CRLF1: variants seen among roughly 807,000 people sequenced by gnomAD.
CRLF1 encodes the protein cytokine receptor like factor 1, also known as cytokine receptor-like factor 1.
In CRLF1, 36 loss-of-function variants were observed where a neutral mutation model predicts 48.9. The ratio of observed to expected loss-of-function variants is 0.74; its 90% CI spans 0.56 to 0.97. The LOEUF (loss-of-function observed/expected upper bound fraction) is 0.97, where lower values mean the gene tolerates loss of function less well. Ranked by LOEUF, CRLF1 falls within the 50% of genes least tolerant of loss-of-function variation. The pLI, the probability that CRLF1 is intolerant of heterozygous loss-of-function variation, is 0.00. For missense variants in CRLF1, 534 were observed against 575.1 expected (o/e 0.93, Z 0.73); for synonymous variants, 256 against 253.4 (o/e 1.01, Z -0.10).
At chr19:18,598,993 C>G in intron 2 of CRLF1, 92 bp from the exon 3 acceptor site, 1 of 1,573,230 alleles carries the variant, frequency 6.4e-7, no homozygotes, top group Non-Finnish European at 8.6e-7. Context: ...CAGGCCCCCA[C>G]CTTGGAGTGG....
At chr19:18,594,030 G>GGGTGGGGGGC in intron 8 of CRLF1, 35 bp downstream of exon 8, 1 of 1,315,298 alleles carries the variant, frequency 7.6e-7, no homozygotes, top group Non-Finnish European at 1.1e-6. Flanking sequence ...CCCTCCCCTT[G>GGGTGGGGGGC]CTCCCTCCCG....
chr19:18,594,032 T>TGGGGGCCCCCCC, intron 8 of CRLF1, 33 bp downstream of exon 8: 2 of 695,812 alleles, frequency 2.9e-6, no homozygotes, highest in Non-Finnish European at 4.4e-6. Flanking sequence ...CTCCCCTTGC[T>TGGGGGCCCCCCC]CCCTCCCGCC....
chr19:18,593,502 C>A lies in CRLF1; in HGVS notation c.*64G>T. ...CCCTGAAGTGAGGGTACAGAGGTGG[C>A]CCCAGTTTGGGTTCGGCCTCTGCGT... On this transcript the variant is annotated 3_prime_UTR_variant, in exon 9 of 9. Transcript: ENST00000392386. The A allele has an allele frequency of 1.2e-6, 2 of 1,600,160 alleles. No individual in the cohort carries two copies. Among genetic ancestry groups the A allele is most frequent in the East Asian group, 2.3e-5 (1 of 44,360 alleles).
In CRLF1 at chr19:18,596,649, G is replaced by T. The variant is rs1305607928; in HGVS notation, c.997C>A (p.Pro333Thr). 6.2e-7 allele frequency: 1 copy of T among 1,613,838 alleles called. No individual in the cohort carries two copies. The change falls in exon 6 of 9, where the codon CCC becomes ACC. Residue 333 changes from proline (P) to threonine (T), a missense_variant. Transcript: ENST00000392386. Reference sequence around the variant, plus strand: ...CTGCGGGGAGTGGAGGCGGCTGTGGGGTGGCTCCACTCACTCCAGATCCCG... The same window carrying T: ...CTGCGGGGAGTGGAGGCGGCTGTGGTGTGGCTCCACTCACTCCAGATCCCG... Reference protein sequence around the residue: ...KAGIWSEWSHPTAASTPRSER... With the variant: ...KAGIWSEWSHTTAASTPRSER...
In CRLF1 at chr19:18,594,026, C is replaced by T. The variant is rs766151679; in HGVS notation, c.1255+39G>A. ...CTGCAGCCACCGGAAGGGGCCCTCC[C>T]CTTGCTCCCTCCCGCCCACCCATTC... On this transcript the variant is annotated intron_variant, in intron 8 of 8. Transcript: ENST00000392386. The T allele has an allele frequency of 3.3e-5, 47 of 1,409,046 alleles. No homozygotes were observed. In the African/African-American group the frequency reaches 4.9e-4, roughly 15 times the overall value. 87.3% of individuals were successfully genotyped at this position (1,409,046 alleles called of 1,614,324 possible).
intron 8 of CRLF1, 90 bp downstream of exon 8, chr19:18,593,974 TG>T (rs1976091388): frequency 6.6e-7 from 1 of 1,514,960 alleles, no homozygotes; most frequent in Admixed American, 2.0e-5. Flanking sequence ...AGGCTGGGGT[TG>T]GGAGGCGTGG....
chr19:18,594,531 C>T (rs917387391), intron 6 of CRLF1, 97 bp from the exon 7 acceptor site: 4 of 921,632 alleles, frequency 4.3e-6, no homozygotes, highest in Non-Finnish European at 5.7e-6. Context: ...CCATGCTCCC[C>T]TCGGGGAACC....
At position 18,598,452 on chromosome 19, in the gene CRLF1, G is replaced by GT. The variant is rs761746361; in HGVS notation, c.676dup (p.Thr226AsnfsTer104). 5 of 1,613,906 alleles carry GT rather than the reference G, an allele frequency of 3.1e-6. No individual in the cohort carries two copies. The highest frequency in any genetic ancestry group is 2.7e-5 in the African/African-American group (2 of 75,048). On this transcript the variant is annotated frameshift_variant, in exon 4 of 9. Coordinates refer to ENST00000392386, the MANE Select transcript of CRLF1 (RefSeq NM_004750.5). LOFTEE classifies it high-confidence loss of function. ...CTCACCCACATCCAGGATATCCAGC[G>GT]TGAGTACATCGGAGCGGGCAGAGCC...
At chr19:18,593,938 G>A (rs1976090813) in intron 8 of CRLF1, 127 bp downstream of exon 8, 1 of 1,485,186 alleles carries the variant, frequency 6.7e-7, no homozygotes, top group African/African-American at 1.4e-5. Flanking sequence ...CAAAGGAAGA[G>A]GACGGATTCC....
Position 18,606,314 on chromosome 19 carries a change from A to C in CRLF1, c.115+228T>G, listed in dbSNP as rs1976295006. Among the ~76,000 whole-genome samples the C allele has an allele frequency of 6.8e-6, 1 of 146,880 alleles. No homozygotes were observed. Among genetic ancestry groups the C allele is most frequent in the African/African-American group, 2.5e-5 (1 of 40,422 alleles). The stretch of plus-strand genomic sequence containing the variant: ...GGGCCTGGCCTGGCGCCCTCGGCCC[A>C]GCTGCCCAGGTAACAGGGCCTCGGG... On this transcript the variant is annotated intron_variant, in intron 1 of 8. Coordinates refer to ENST00000392386, the MANE Select transcript of CRLF1 (RefSeq NM_004750.5). The surrounding 1 kb of genome is among the most constrained non-coding windows in gnomAD (Gnocchi z 4.8).
chr19:18,600,422 GC>G (rs1345228133), intron 1 of CRLF1, among the ~76,000 whole-genome samples: 3 of 151,362 alleles, frequency 2.0e-5, no homozygotes, highest in Admixed American at 2.0e-4. Context: ...AGGCTGGAGT[GC>G]AGTGGCACGA....
intron 8 of CRLF1, 130 bp from the exon 9 acceptor site, chr19:18,593,709 G>A (rs1976087263): frequency 1.3e-6 from 2 of 1,531,406 alleles, no homozygotes; most frequent in African/African-American, 2.7e-5. Flanking sequence ...GCAGGGTCCT[G>A]CCCCTCTCCG....
At chr19:18,595,292 G>A (rs568181473) in intron 6 of CRLF1, among the ~76,000 whole-genome samples, 18 of 152,344 alleles carry the variant, frequency 1.2e-4, no homozygotes, top group Middle Eastern at 3.4e-3. Flanking sequence ...TGCCGGGCAC[G>A]AGCAGGGGCC....
At position 18,596,802 on chromosome 19, in the gene CRLF1, G is replaced by C. The variant is rs1356928622; in HGVS notation, c.856-12C>G. The stretch of plus-strand genomic sequence containing the variant: ...ACATCGTCCACCACCTGGACAGTGA[G>C]GACAAGGTCAGAGTAGAGGGCGGGG... On this transcript the variant is annotated splice_polypyrimidine_tract_variant and intron_variant, in intron 5 of 8. Transcript: ENST00000392386. 4 of 1,613,622 alleles carry C rather than the reference G, an allele frequency of 2.5e-6. No homozygotes were observed. In the South Asian group the frequency reaches 4.4e-5, roughly 18 times the overall value.
chr19:18,598,445 A>T lies in CRLF1; in HGVS notation c.684T>A (p.Asp228Glu), dbSNP rs1347433287. 2 of 1,613,402 alleles carry T rather than the reference A, an allele frequency of 1.2e-6. No homozygotes were observed. Among genetic ancestry groups the T allele is most frequent in the Non-Finnish European group, 1.7e-6 (2 of 1,179,534 alleles). ...GSARSDVLTL[D>E]ILDVVTTDPP... ...CTGGGGGCTCACCCACATCCAGGATATCCAGCGTGAGTACATCGGAGCGGG... is the reference window on the plus strand; with the variant it reads ...CTGGGGGCTCACCCACATCCAGGATTTCCAGCGTGAGTACATCGGAGCGGG... Residue 228 changes from aspartate to glutamate, a missense_variant, in exon 4 of 9, where the codon GAT becomes GAA. This residue lies in a region of CRLF1 where 528 missense variants were observed against 555.7 expected (regional missense o/e 0.95). Coordinates refer to ENST00000392386, the MANE Select transcript of CRLF1 (RefSeq NM_004750.5).
intron 8 of CRLF1, 124 bp from the exon 9 acceptor site, chr19:18,593,703 G>C (rs953313053): frequency 1.1e-5 from 17 of 1,533,932 alleles, no homozygotes; most frequent in African/African-American, 4.1e-5. Flanking sequence ...CTTTGGGCAG[G>C]GTCCTGCCCC....
In CRLF1 at chr19:18,596,625, T is replaced by C. The variant is rs1976136959; in HGVS notation, c.1021A>G (p.Ser341Gly). 6.8e-6 allele frequency: 11 copies of C among 1,613,728 alleles called. No individual in the cohort carries two copies. In the East Asian group the frequency reaches 1.6e-4, roughly 23 times the overall value. Reference protein sequence around the residue: ...SHPTAASTPRSERPGPGGGAC... With the variant: ...SHPTAASTPRGERPGPGGGAC... ...CCAGCCCTAGGAGGGTGCTCACCAC[T>C]GCGGGGAGTGGAGGCGGCTGTGGGG... The change falls in exon 6 of 9, where the codon AGT becomes GGT. Residue 341 changes from serine (S) to glycine (G), a missense_variant. Physicochemically the swap from Ser to Gly is moderately conservative, Grantham distance 56. Around this residue, in one of 2 missense-constraint regions of CRLF1, gnomAD observed 528 missense variants for 555.7 expected, o/e 0.95. Transcript: ENST00000392386.
chr19:18,595,422 C>T (rs1345919904), intron 6 of CRLF1, among the ~76,000 whole-genome samples: 1 of 152,252 alleles, frequency 6.6e-6, no homozygotes, highest in East Asian at 1.9e-4. Context: ...CTCTGGGACC[C>T]TCTCTGGGCC....
chr19:18,595,725 C>A (rs1976123896), intron 6 of CRLF1, among the ~76,000 whole-genome samples: 1 of 152,214 alleles, frequency 6.6e-6, no homozygotes, highest in African/African-American at 2.4e-5. Flanking sequence ...AAACGGAGGC[C>A]AGACATTCCA....
Sources: gnomAD v4.1 joint callset for allele counts (sites outside exome capture counted in the v4.1 genomes callset) on GRCh38, gnomAD v4.1.1 for gene constraint, gnomAD v4.1.1 regional missense constraint, Gnocchi (gnomAD v3.1) non-coding constraint, MANE v1.5 for transcripts, NCBI Gene and HGNC (gene_info 2026-07-23, HGNC 2026-07-21) for gene names.